The following ERO1A variants were observed in gnomAD, a reference collection of about 807,000 sequenced individuals.
The protein encoded by ERO1A is endoplasmic reticulum oxidoreductase 1 alpha.
In ERO1A, 49 loss-of-function variants were observed where a neutral mutation model predicts 76.9. The observed-to-expected ratio is 0.64, with a 90% confidence interval of 0.51 to 0.81. ERO1A has a LOEUF of 0.81. Ranked by LOEUF, ERO1A falls within the 30% of genes least tolerant of loss-of-function variation. The pLI, the probability that ERO1A is intolerant of heterozygous loss-of-function variation, is 0.00. For synonymous variants in ERO1A, 174 were observed against 181.2 expected, an observed-to-expected ratio of 0.96 and a Z score of 0.32; for missense variants, 448 against 542.1, an observed-to-expected ratio of 0.83 and a Z score of 1.72.
chr14:52,668,787 A>G (rs956667865), intron 6 of ERO1A, among the ~76,000 whole-genome samples: 2 of 148,376 alleles, frequency 1.3e-5, no homozygotes, highest in African/African-American at 2.4e-5. Flanking sequence ...TATAATTATA[A>G]TTATAATTAT....
At position 52,643,487 on chromosome 14, in the gene ERO1A, T is replaced by A. The variant is rs1391753490; in HGVS notation, c.*83A>T. 1 of 871,882 alleles carries A rather than the reference T, an allele frequency of 1.1e-6. No homozygotes were observed. The highest frequency in any genetic ancestry group is 1.7e-6 in the Non-Finnish European group (1 of 587,652). 54.0% of individuals were successfully genotyped at this position (871,882 alleles called of 1,614,324 possible). ...TTATATAAAATGTTTGGCTTAAGAC[T>A]GTCATTGCTATTATGCCTTTGAATG... is the stretch of plus-strand genomic sequence containing the variant. On this transcript the variant is annotated 3_prime_UTR_variant, in exon 16 of 16. Transcript: ENST00000395686.
At chr14:52,678,505 AT>A in intron 3 of ERO1A, 33 bp from the exon 4 acceptor site, 1 of 1,545,662 alleles carries the variant, frequency 6.5e-7, no homozygotes, top group Non-Finnish European at 8.9e-7. Flanking sequence ...TTTAGTTGGC[AT>A]TTATTCTATC....
At chr14:52,679,278 TC>T (rs1310977314) in intron 3 of ERO1A, among the ~76,000 whole-genome samples, 1 of 152,208 alleles carries the variant, frequency 6.6e-6, no homozygotes, top group Admixed American at 6.5e-5. Flanking sequence ...CCCCATCTCC[TC>T]ATCTGCTATT....
At chr14:52,681,768 A>G (rs2041002216) in intron 3 of ERO1A, among the ~76,000 whole-genome samples, 1 of 151,972 alleles carries the variant, frequency 6.6e-6, no homozygotes, top group Non-Finnish European at 1.5e-5. Flanking sequence ...TTGTCCACTC[A>G]CACCCCAGGA....
intron 2 of ERO1A, 123 bp from the exon 3 acceptor site, chr14:52,682,531 C>G (rs1020164464): frequency 6.2e-5 from 41 of 664,422 alleles, no homozygotes; most frequent in Non-Finnish European, 9.5e-5. Flanking sequence ...ATTTCTTCCA[C>G]CTATCTGTTG....
intron 11 of ERO1A, among the ~76,000 whole-genome samples, chr14:52,657,700 C>G (rs2040096866): frequency 1.3e-5 from 2 of 152,182 alleles, no homozygotes; most frequent in Admixed American, 1.3e-4. Context: ...CAATTTTGAG[C>G]AGCTTCTTAA....
At chr14:52,683,977 G>C (rs11621485) in intron 1 of ERO1A, 70 bp from the exon 2 acceptor site, 150,042 of 1,276,804 alleles carry the variant, frequency 0.12, 10,084 homozygotes, top group African/African-American at 0.23. Context: ...TCCTCACATG[G>C]TTGTTAGGAA....
chr14:52,661,370 C>T (rs1042755378), intron 8 of ERO1A, 66 bp from the exon 9 acceptor site: 6 of 1,303,792 alleles, frequency 4.6e-6, no homozygotes, highest in Non-Finnish European at 6.1e-6. Context: ...TAATGCTACA[C>T]TTTCATAAAA....
At chr14:52,682,792 G>A (rs759872466) in intron 2 of ERO1A, among the ~76,000 whole-genome samples, 2 of 151,908 alleles carry the variant, frequency 1.3e-5, no homozygotes, top group African/African-American at 2.4e-5. Context: ...CTAGCTACTC[G>A]GGAGGCTGAG....
At chr14:52,657,874 A>G (rs1444526020) in intron 11 of ERO1A, 43 bp downstream of exon 11, 1 of 1,374,396 alleles carries the variant, frequency 7.3e-7, no homozygotes, top group Non-Finnish European at 1.0e-6. Context: ...AAGAATATCT[A>G]AAATTAAGAG....
At chr14:52,648,293 T>G (rs528470714) in intron 13 of ERO1A, among the ~76,000 whole-genome samples, 316 of 152,304 alleles carry the variant, frequency 2.1e-3, no homozygotes, top group Non-Finnish European at 3.7e-3. Context: ...TGTGATCTGA[T>G]TTTAGGTTGC....
intron 14 of ERO1A, 33 bp from the exon 15 acceptor site, chr14:52,646,320 G>C (rs768137052): frequency 6.3e-7 from 1 of 1,599,332 alleles, no homozygotes; most frequent in African/African-American, 1.4e-5. Context: ...AGAAAAATTA[G>C]AAAATTATTC....
chr14:52,663,310 T>C (rs186464452), intron 8 of ERO1A, among the ~76,000 whole-genome samples: 1 of 152,210 alleles, frequency 6.6e-6, no homozygotes, highest in African/African-American at 2.4e-5. Context: ...ATAAAAATAC[T>C]TTTTACTGGC....
chr14:52,669,606 T>C (rs188420749), intron 6 of ERO1A, among the ~76,000 whole-genome samples: 1 of 152,316 alleles, frequency 6.6e-6, no homozygotes, highest in Admixed American at 6.5e-5. Flanking sequence ...TATCGCATAT[T>C]ACTCCAGCTG....
At chr14:52,694,066 C>T (rs920229087) in intron 1 of ERO1A, among the ~76,000 whole-genome samples, 8 of 152,024 alleles carry the variant, frequency 5.3e-5, no homozygotes, top group Admixed American at 3.9e-4. Context: ...ACTTTTATTC[C>T]AGTATCCAAA....
chr14:52,667,651 G>A (rs775944072), intron 6 of ERO1A, among the ~76,000 whole-genome samples: 1 of 152,126 alleles, frequency 6.6e-6, no homozygotes, highest in African/African-American at 2.4e-5. Context: ...GAGCCCAGGA[G>A]GTCCAGGCTG....
chr14:52,646,648 CACAAATCCAAAGGTAG>C, intron 13 of ERO1A, 187 bp from the exon 14 acceptor site: 1 of 483,990 alleles, frequency 2.1e-6, no homozygotes, highest in Non-Finnish European at 3.6e-6. Context: ...TAATCTTCAC[CACAAATCCAAAGGTAG>C]TTATTATTAT....
intron 4 of ERO1A, among the ~76,000 whole-genome samples, chr14:52,676,292 T>C (rs2040781280): frequency 6.6e-6 from 1 of 152,234 alleles, no homozygotes; most frequent in African/African-American, 2.4e-5. Flanking sequence ...CAGTTATCAA[T>C]TTATCAATAA....
At chr14:52,645,611 T>C (rs553428567) in intron 15 of ERO1A, among the ~76,000 whole-genome samples, 7 of 151,926 alleles carry the variant, frequency 4.6e-5, no homozygotes, top group African/African-American at 7.2e-5. Context: ...TAAAAGTCAA[T>C]AGAGGAAAAT....
Sources: gnomAD v4.1 joint callset for allele counts (sites outside exome capture counted in the v4.1 genomes callset) on GRCh38, gnomAD v4.1.1 for gene constraint, MANE v1.5 for transcripts, NCBI Gene and HGNC (gene_info 2026-07-23, HGNC 2026-07-21) for gene names.